Variants in C6orf132 observed in about 807,000 individuals in gnomAD.
C6orf132 encodes the protein chromosome 6 open reading frame 132, also known as uncharacterized protein C6orf132.
A neutral mutation model predicts 65.3 loss-of-function variants in C6orf132; 43 were observed. The ratio of observed to expected loss-of-function variants is 0.66; its 90% CI spans 0.52 to 0.85. The LOEUF is 0.85. Ranked by LOEUF, C6orf132 falls within the 40% of genes least tolerant of loss-of-function variation. C6orf132 has a pLI of 0.00. For missense variants in C6orf132, 1,488 were observed against 1,548.8 expected, an observed-to-expected ratio of 0.96 and a Z score of 0.66; for synonymous variants, 631 against 654.1, an observed-to-expected ratio of 0.96 and a Z score of 0.54.
At chr6:42,126,167 C>T (rs998535785) in intron 2 of C6orf132, among the ~76,000 whole-genome samples, 2 of 151,962 alleles carry the variant, frequency 1.3e-5, no homozygotes, top group East Asian at 1.9e-4. Context: ...CTGCAACCTC[C>T]GCCTCCAGGT....
chr6:42,116,174 C>T (rs775920843), intron 2 of C6orf132, among the ~76,000 whole-genome samples: 5 of 151,858 alleles, frequency 3.3e-5, no homozygotes, highest in South Asian at 2.1e-4. Context: ...GTGATCCGCC[C>T]GCCGTGGCCT....
chr6:42,138,741 A>G (rs1582287879), intron 1 of C6orf132, among the ~76,000 whole-genome samples: 1 of 152,090 alleles, frequency 6.6e-6, no homozygotes, highest in South Asian at 2.1e-4. Flanking sequence ...AGTTAATCCA[A>G]GATGCAAGGG....
At chr6:42,131,671 G>C (rs1430579140) in intron 1 of C6orf132, among the ~76,000 whole-genome samples, 1 of 152,222 alleles carries the variant, frequency 6.6e-6, no homozygotes, top group Non-Finnish European at 1.5e-5. Context: ...TGCTGGTCAG[G>C]ATGGAGTCGG....
chr6:42,120,112 C>CA (rs1379625067), intron 2 of C6orf132, among the ~76,000 whole-genome samples: 9 of 151,060 alleles, frequency 6.0e-5, no homozygotes, highest in Non-Finnish European at 1.0e-4. Context: ...AAAACAAAAA[C>CA]AAAAAAAACC....
chr6:42,103,131 A>G lies in C6orf132; in HGVS notation c.*630T>C, dbSNP rs970864451. ...GGCCAATGCAAAGGGCTTCCATTCC[A>G]CATGTGGGAGCTTCACTCCCCACCC... On this transcript the variant is annotated 3_prime_UTR_variant, in exon 5 of 5. Coordinates refer to ENST00000341865, the MANE Select transcript of C6orf132 (RefSeq NM_001164446.3). 1.3e-5 allele frequency: 5 copies of G among 398,488 alleles called. No individual in the cohort carries two copies. The South Asian group carries it at 6.4e-4, about 51-fold the overall frequency. The allele number at this position is 398,488 out of a possible 1,614,324, so 24.7% of individuals were successfully genotyped here. A position where few individuals can be genotyped will look rare whatever the true frequency, so the allele number is the denominator to read the frequency against.
At chr6:42,136,903 G>A (rs1307483820) in intron 1 of C6orf132, among the ~76,000 whole-genome samples, 1 of 152,184 alleles carries the variant, frequency 6.6e-6, no homozygotes, top group Non-Finnish European at 1.5e-5. Context: ...CAGCCCTGCA[G>A]GTGGGACTAA....
At chr6:42,139,334 G>A (rs1192845347) in intron 1 of C6orf132, among the ~76,000 whole-genome samples, 1 of 152,168 alleles carries the variant, frequency 6.6e-6, no homozygotes, top group Admixed American at 6.5e-5. Flanking sequence ...AGGAAGAGGA[G>A]CTGAAGCAGG....
At position 42,142,290 on chromosome 6, in the gene C6orf132, G is replaced by T; in HGVS notation, c.145+10C>A. On this transcript the variant is annotated intron_variant, in intron 1 of 4. Coordinates refer to ENST00000341865, the MANE Select transcript of C6orf132 (RefSeq NM_001164446.3). Reference sequence around the variant, plus strand: ...CCCGCCCCAGCGCCCTCCGTCCCCGGAGTACTCACCGAAGCCCCCGGTCCC... The same window carrying T: ...CCCGCCCCAGCGCCCTCCGTCCCCGTAGTACTCACCGAAGCCCCCGGTCCC... The T allele has an allele frequency of 6.5e-7, 1 of 1,549,048 alleles. No individual in the cohort carries two copies. Among genetic ancestry groups the T allele is most frequent in the Non-Finnish European group, 8.7e-7 (1 of 1,146,160 alleles).
rs1391483806 is a variant in C6orf132 at position 42,103,187 on chromosome 6, T to C, written c.*574A>G. 1.0e-5 allele frequency: 4 copies of C among 398,496 alleles called. No individual in the cohort carries two copies. Among genetic ancestry groups the C allele is most frequent in the Non-Finnish European group, 8.8e-6 (2 of 226,094 alleles). The allele number at this position is 398,496 out of a possible 1,614,324, so 24.7% of individuals were successfully genotyped here. Reference sequence around the variant, plus strand: ...ATGGTCCTTCTCCACATGTTATACATACACATTCCTGGTCCCACCTCAATG... The same window carrying C: ...ATGGTCCTTCTCCACATGTTATACACACACATTCCTGGTCCCACCTCAATG... On this transcript the variant is annotated 3_prime_UTR_variant, in exon 5 of 5. Coordinates refer to ENST00000341865, the MANE Select transcript of C6orf132 (RefSeq NM_001164446.3).
intron 2 of C6orf132, among the ~76,000 whole-genome samples, chr6:42,115,377 T>A (rs1299802320): frequency 6.6e-6 from 1 of 151,746 alleles, no homozygotes; most frequent in Non-Finnish European, 1.5e-5. Flanking sequence ...CCGGGCGCAG[T>A]GGCTCATGCC....
chr6:42,129,939 T>A lies in C6orf132; in HGVS notation c.146-1161A>T, dbSNP rs3935376. On this transcript the variant is annotated intron_variant, in intron 1 of 4. Coordinates refer to ENST00000341865, the MANE Select transcript of C6orf132 (RefSeq NM_001164446.3). ...AATTGCAAGAAAGCCAAATGATTTA[T>A]TCAAGAGACTGGGCTTGTCAGGAAG... 3.2e-3 allele frequency among the ~76,000 whole-genome samples: 489 copies of A among 152,372 alleles called. 6 individuals are homozygous for A. The highest frequency in any genetic ancestry group is 0.011 in the African/African-American group (451 of 41,586).
intron 2 of C6orf132, among the ~76,000 whole-genome samples, chr6:42,119,248 C>CAAAAAAAAAAAAAAAAAAAA (rs1156356191): frequency 6.7e-5 from 3 of 44,776 alleles, no homozygotes; most frequent in African/African-American, 2.9e-4. Context: ...GACTCTGTCT[C>CAAAAAAAAAAAAAAAAAAAA]AAAAAAAAAA....
chr6:42,104,500 C>G lies in C6orf132; in HGVS notation c.3412G>C (p.Gly1138Arg). Reference sequence around the variant, plus strand: ...GGGGCGAAGCCGTAGTCGGCGCTGCCGGGCGCTTTGTGCTTGGCCTCCGCG... The same window carrying G: ...GGGGCGAAGCCGTAGTCGGCGCTGCGGGGCGCTTTGTGCTTGGCCTCCGCG... ...GAAEAKHKAP[G>R]SADYGFAPAA... Residue 1138 changes from glycine (G) to arginine (R), a missense_variant, in exon 4 of 5, where the codon GGC (glycine) becomes CGC (arginine). Coordinates refer to ENST00000341865, the MANE Select transcript of C6orf132 (RefSeq NM_001164446.3). The surrounding 1 kb of genome is among the most constrained non-coding windows in gnomAD (Gnocchi z 4.1). The G allele has an allele frequency of 6.5e-6, 8 of 1,232,652 alleles. No individual in the cohort carries two copies. The highest frequency in any genetic ancestry group is 8.1e-6 in the Non-Finnish European group (8 of 988,828). 76.4% of individuals were successfully genotyped at this position (1,232,652 alleles called of 1,614,324 possible). A position where few individuals can be genotyped will look rare whatever the true frequency, so the allele number is the denominator to read the frequency against.
chr6:42,123,120 G>A (rs1224191041), intron 2 of C6orf132, among the ~76,000 whole-genome samples: 3 of 152,282 alleles, frequency 2.0e-5, no homozygotes, highest in South Asian at 4.1e-4. Flanking sequence ...GGTGGCTCAC[G>A]CCCGTAATCC....
Position 42,107,255 on chromosome 6 carries a change from TG to T in C6orf132, c.656del (p.Pro219HisfsTer6). On this transcript the variant is annotated frameshift_variant, in exon 4 of 5. Coordinates refer to ENST00000341865, the MANE Select transcript of C6orf132 (RefSeq NM_001164446.3). LOFTEE classifies it high-confidence loss of function. ...PTPPDFIPPA[P>X]PLAFLAPPPP... ...GTGGGGGGGCTAGAAAGGCCAAGGGTGGGGCAGGGGGAATGAAGTCAGGAGG... is the reference window on the plus strand; with the variant it reads ...GTGGGGGGGCTAGAAAGGCCAAGGGTGGGCAGGGGGAATGAAGTCAGGAGG... 4.4e-6 allele frequency: 1 copy of T among 228,106 alleles called. No individual in the cohort carries two copies. The highest frequency in any genetic ancestry group is 5.6e-6 in the Non-Finnish European group (1 of 179,788). 14.1% of individuals were successfully genotyped at this position (228,106 alleles called of 1,614,324 possible).
intron 1 of C6orf132, among the ~76,000 whole-genome samples, chr6:42,134,762 G>A (rs1272311872): frequency 3.6e-5 from 4 of 111,926 alleles, no homozygotes; most frequent in Non-Finnish European, 6.9e-5. Context: ...TGACAAGAGC[G>A]AAACTCCATC....
At chr6:42,138,279 T>TG (rs1766980354) in intron 1 of C6orf132, among the ~76,000 whole-genome samples, 2 of 152,142 alleles carry the variant, frequency 1.3e-5, no homozygotes, top group Admixed American at 6.5e-5. Flanking sequence ...CCCAAAGTGC[T>TG]GGGGTTGTTT....
chr6:42,138,221 A>G (rs1271860284), intron 1 of C6orf132, among the ~76,000 whole-genome samples: 3 of 151,888 alleles, frequency 2.0e-5, no homozygotes, highest in Admixed American at 6.5e-5. Flanking sequence ...ATCATAGCTG[A>G]CTGCAGCCTC....
At chr6:42,116,223 C>A (rs992172655) in intron 2 of C6orf132, among the ~76,000 whole-genome samples, 1 of 152,038 alleles carries the variant, frequency 6.6e-6, no homozygotes, top group Admixed American at 6.6e-5. Context: ...CCACTGTGCC[C>A]AGCCTCTTTC....
Sources: gnomAD v4.1 joint callset for allele counts (sites outside exome capture counted in the v4.1 genomes callset) on GRCh38, gnomAD v4.1.1 for gene constraint, Gnocchi (gnomAD v3.1) non-coding constraint, MANE v1.5 for transcripts, NCBI Gene and HGNC (gene_info 2026-07-23, HGNC 2026-07-21) for gene names.